THSD7B: variants seen among roughly 807,000 people sequenced by gnomAD.
The protein encoded by THSD7B is thrombospondin type-1 domain-containing protein 7B.
Under a neutral mutation model 213.6 loss-of-function variants are expected in THSD7B, and 138 were observed. The ratio of observed to expected loss-of-function variants is 0.65; its 90% confidence interval spans 0.56 to 0.74. The LOEUF is 0.74. Ranked by LOEUF, THSD7B falls within the 30% of genes least tolerant of loss-of-function variation. The pLI is 0.00. For synonymous variants in THSD7B, 742 were observed against 687.0 expected (o/e 1.08, Z -1.25); for missense variants, 1,931 against 1,991.5 (o/e 0.97, Z 0.58).
intron 2 of THSD7B, among the ~76,000 whole-genome samples, chr2:136,885,569 G>A (rs574939932): frequency 1.4e-3 from 214 of 152,214 alleles, no homozygotes; most frequent in African/African-American, 4.3e-3. Flanking sequence ...TGTTGTTTGC[G>A]GTTTTAAGTT....
intron 2 of THSD7B, among the ~76,000 whole-genome samples, chr2:136,906,281 C>A (rs1684159177): frequency 6.6e-6 from 1 of 152,118 alleles, no homozygotes; most frequent in Non-Finnish European, 1.5e-5. Context: ...ATACCCAAAG[C>A]AAGTTCTGAA....
chr2:137,458,091 G>A (rs1192885324), intron 15 of THSD7B, among the ~76,000 whole-genome samples: 2 of 152,144 alleles, frequency 1.3e-5, no homozygotes, highest in Non-Finnish European at 2.9e-5. Flanking sequence ...ACTGTAAGTG[G>A]ATGCCTAATA....
At chr2:137,124,882 T>A (rs1688605903) in intron 5 of THSD7B, among the ~76,000 whole-genome samples, 1 of 152,178 alleles carries the variant, frequency 6.6e-6, no homozygotes, top group Non-Finnish European at 1.5e-5. Context: ...TAAAGTCTAC[T>A]CTGTTAGCAA....
intron 2 of THSD7B, among the ~76,000 whole-genome samples, chr2:137,017,408 A>G (rs1226229359): frequency 1.3e-5 from 2 of 152,050 alleles, no homozygotes; most frequent in African/African-American, 4.8e-5. Flanking sequence ...CAGGAGAGAA[A>G]GGACTGCCAG....
intron 1 of THSD7B, among the ~76,000 whole-genome samples, chr2:136,827,127 G>C (rs1558818058): frequency 6.6e-6 from 1 of 152,188 alleles, no homozygotes; most frequent in African/African-American, 2.4e-5. Flanking sequence ...ATAGCAAAAA[G>C]ACAATCATGA....
intron 2 of THSD7B, among the ~76,000 whole-genome samples, chr2:136,907,234 C>CA (rs1439290742): frequency 6.6e-6 from 1 of 152,006 alleles, no homozygotes; most frequent in African/African-American, 2.4e-5. Flanking sequence ...TGTGAGCCAC[C>CA]ACTCCTGGGC....
At chr2:137,368,264 C>CA (rs144474264) in intron 12 of THSD7B, among the ~76,000 whole-genome samples, 8,434 of 148,428 alleles carry the variant, frequency 0.057, 444 homozygotes, top group African/African-American at 0.14. Flanking sequence ...TCTAGATTTA[C>CA]AAAAAAAAAA....
At chr2:137,593,039 A>G (rs183424239) in intron 17 of THSD7B, among the ~76,000 whole-genome samples, 3 of 152,010 alleles carry the variant, frequency 2.0e-5, no homozygotes, top group Non-Finnish European at 4.4e-5. Flanking sequence ...TGTGTGAGCT[A>G]GTTTCATTTG....
chr2:137,426,994 A>C (rs1404888746), intron 14 of THSD7B, among the ~76,000 whole-genome samples: 2 of 152,166 alleles, frequency 1.3e-5, no homozygotes, highest in East Asian at 3.8e-4. Context: ...GGATCTTAGT[A>C]GACATTTTTT....
intron 4 of THSD7B, among the ~76,000 whole-genome samples, chr2:137,114,463 T>C (rs1688409160): frequency 6.6e-6 from 1 of 152,232 alleles, no homozygotes; most frequent in Non-Finnish European, 1.5e-5. Context: ...TATTTGAGTA[T>C]TAACCAGTTA....
chr2:137,046,731 A>AG (rs1491463205), intron 2 of THSD7B, among the ~76,000 whole-genome samples: 3 of 126,272 alleles, frequency 2.4e-5, no homozygotes, highest in Non-Finnish European at 5.0e-5. Context: ...ACTCCGTCTC[A>AG]AAAAAAAAAA....
rs374580732 is a variant in THSD7B, at chr2:137,555,253, G to A, written c.3139-7968G>A. 1.1e-3 allele frequency among the ~76,000 whole-genome samples: 172 copies of A among 152,322 alleles called. 1 individual carries two copies. The highest frequency in any genetic ancestry group is 3.4e-3 in the Middle Eastern group (1 of 294). ...AATGGACAGACTGCCTCCGCAAGTG[G>A]GTCCCTGACCCCCGAGTAGCCTATC... On this transcript the variant is annotated intron_variant, in intron 15 of 27. Coordinates refer to ENST00000409968, the MANE Select transcript of THSD7B (RefSeq NM_001316349.2).
Position 137,549,544 on chromosome 2 carries a change from C to T in THSD7B, c.3139-13677C>T, listed in dbSNP as rs373000458. On this transcript the variant is annotated intron_variant, in intron 15 of 27. Coordinates refer to ENST00000409968, the MANE Select transcript of THSD7B (RefSeq NM_001316349.2). ...AAAAAATATTATTCTGATAAGGACA[C>T]TTAGCATGAAATCCTCTTAACAGAT... Among the ~76,000 whole-genome samples, 4 of 152,064 alleles carry T rather than the reference C, an allele frequency of 2.6e-5. No homozygotes were observed. The South Asian group carries it at 6.2e-4, about 24-fold the overall frequency.
At chr2:137,063,692 C>T (rs1472259011) in intron 3 of THSD7B, among the ~76,000 whole-genome samples, 1 of 152,052 alleles carries the variant, frequency 6.6e-6, no homozygotes, top group Non-Finnish European at 1.5e-5. Flanking sequence ...TTCCCAGACT[C>T]TGGAAACCAG....
chr2:137,019,111 C>T (rs1686395579), intron 2 of THSD7B, among the ~76,000 whole-genome samples: 1 of 152,126 alleles, frequency 6.6e-6, no homozygotes, highest in Non-Finnish European at 1.5e-5. Context: ...ATTGCCATGT[C>T]CTCACCCCTT....
At chr2:137,422,202 T>C (rs902998641) in intron 14 of THSD7B, among the ~76,000 whole-genome samples, 3 of 152,210 alleles carry the variant, frequency 2.0e-5, no homozygotes, top group East Asian at 3.9e-4. Flanking sequence ...TGGAAAACTA[T>C]TGGGCAAAAT....
intron 1 of THSD7B, among the ~76,000 whole-genome samples, chr2:136,867,969 T>G (rs967754052): frequency 6.6e-6 from 1 of 152,170 alleles, no homozygotes; most frequent in African/African-American, 2.4e-5. Context: ...TCTGTGAAAT[T>G]GGAGATAGAT....
At chr2:136,782,608 T>C (rs537399670) in intron 1 of THSD7B, among the ~76,000 whole-genome samples, 2 of 152,082 alleles carry the variant, frequency 1.3e-5, no homozygotes, top group South Asian at 2.1e-4. Context: ...GGTGGTTACC[T>C]GAGGCTGGGG....
At position 137,117,099 on chromosome 2, in the gene THSD7B, C is replaced by T. The variant is rs562736821; in HGVS notation, c.1369+1806C>T. ...GTGAGTAAAACTATGCTGGATAACACAGCACAGCTGCCATAAAGGCACTGT... is the reference window on the plus strand; with the variant it reads ...GTGAGTAAAACTATGCTGGATAACATAGCACAGCTGCCATAAAGGCACTGT... On this transcript the variant is annotated intron_variant, in intron 5 of 27. Coordinates refer to ENST00000409968, the MANE Select transcript of THSD7B (RefSeq NM_001316349.2). 2.1e-4 allele frequency among the ~76,000 whole-genome samples: 32 copies of T among 152,262 alleles called. No individual in the cohort carries two copies. The South Asian group carries it at 6.6e-3, about 32-fold the overall frequency.
Sources: allele counts gnomAD v4.1 joint callset (sites outside exome capture counted in the v4.1 genomes callset), GRCh38; gene constraint gnomAD v4.1.1; transcripts MANE v1.5; gene names NCBI Gene and HGNC (gene_info 2026-07-23, HGNC 2026-07-21).